Variants in MEI1 observed in about 807,000 individuals in gnomAD.
MEI1 encodes meiotic double-stranded break formation protein 1, also known as meiosis inhibitor protein 1.
In MEI1, 103 loss-of-function variants were observed where a neutral mutation model predicts 146.2. The observed-to-expected ratio is 0.70, with a 90% CI of 0.60 to 0.83. MEI1 has a LOEUF of 0.83. Among genes scored for constraint, MEI1 ranks in the 40% least tolerant of loss-of-function variants. MEI1 has a pLI of 0.00. For missense variants in MEI1, 1,529 were observed against 1,533.0 expected, an observed-to-expected ratio of 1.00 and a Z score of 0.04; for synonymous variants, 652 against 628.2, an observed-to-expected ratio of 1.04 and a Z score of -0.57.
At chr22:41,794,647 A>C (rs2076301130) in intron 28 of MEI1, among the ~76,000 whole-genome samples, 170 bp downstream of exon 28, 1 of 152,080 alleles carries the variant, frequency 6.6e-6, no homozygotes. Flanking sequence ...CTGAATGCCC[A>C]TATCTCCTCA....
intron 11 of MEI1, among the ~76,000 whole-genome samples, chr22:41,735,919 G>A (rs1015026817): frequency 6.6e-6 from 1 of 152,178 alleles, no homozygotes; most frequent in African/African-American, 2.4e-5. Flanking sequence ...TGCCTAAAAT[G>A]CCTGTGTTAG....
In MEI1 at chr22:41,747,199, T is replaced by G. The variant is rs926086942; in HGVS notation, c.1681-908T>G. 3.1e-4 allele frequency: 47 copies of G among 151,304 alleles called. 1 individual carries two copies. Among genetic ancestry groups the G allele is most frequent in the Admixed American group, 2.8e-3 (42 of 15,172 alleles). The allele number at this position is 151,304 out of a possible 1,614,324, so 9.4% of individuals were successfully genotyped here. On this transcript the variant is annotated intron_variant, in intron 14 of 30. Coordinates refer to ENST00000401548, the MANE Select transcript of MEI1 (RefSeq NM_152513.4). Reference sequence around the variant, plus strand: ...AAGGTGACTACCCAAGGGCACACTGTGGTGGCTATGTACAGAGCCTGAACT... The same window carrying G: ...AAGGTGACTACCCAAGGGCACACTGGGGTGGCTATGTACAGAGCCTGAACT...
At chr22:41,797,041 AGGCTGGAGTGCACT>A (rs1212004874) in intron 30 of MEI1, among the ~76,000 whole-genome samples, 3 of 152,262 alleles carry the variant, frequency 2.0e-5, no homozygotes, top group African/African-American at 7.2e-5. Flanking sequence ...TTTGTCACCC[AGGCTGGAGTGCACT>A]GGTGTGAACA....
At chr22:41,719,114 C>G (rs1363662297) in intron 6 of MEI1, among the ~76,000 whole-genome samples, 1 of 151,798 alleles carries the variant, frequency 6.6e-6, no homozygotes, top group African/African-American at 2.4e-5. Context: ...TCCCGAGTAG[C>G]TGGGACTACA....
rs143058137 is a variant in MEI1, at chr22:41,711,480, A to G, written c.350-2522A>G. On this transcript the variant is annotated intron_variant, in intron 3 of 30. Transcript: ENST00000401548. ...TAGGCCACCCTTGAGTGGGGCTACAATCCTGCAGCCATCCACTTCTGGTTG... is the reference window on the plus strand; with the variant it reads ...TAGGCCACCCTTGAGTGGGGCTACAGTCCTGCAGCCATCCACTTCTGGTTG... Among the ~76,000 whole-genome samples the G allele has an allele frequency of 3.0e-3, 460 of 152,246 alleles. 2 individuals carry two copies. Among genetic ancestry groups the G allele is most frequent in the African/African-American group, 9.9e-3 (412 of 41,564 alleles).
chr22:41,746,242 A>G (rs1317352711), intron 14 of MEI1, among the ~76,000 whole-genome samples: 1 of 152,242 alleles, frequency 6.6e-6, no homozygotes, highest in Non-Finnish European at 1.5e-5. Context: ...AATAGAAAGC[A>G]GTAATAATAA....
chr22:41,767,753 G>A, intron 19 of MEI1: 3 of 386,412 alleles, frequency 7.8e-6, no homozygotes, highest in South Asian at 5.4e-5. Flanking sequence ...CAAGTTCCTT[G>A]CCCTCAGAGA....
At chr22:41,735,298 C>G (rs2072254520) in intron 11 of MEI1, among the ~76,000 whole-genome samples, 1 of 132,242 alleles carries the variant, frequency 7.6e-6, no homozygotes. Context: ...AAGGCATGAT[C>G]TCGGCTCACC....
intron 26 of MEI1, among the ~76,000 whole-genome samples, chr22:41,786,104 G>T (rs1261647480): frequency 6.7e-6 from 1 of 148,760 alleles, no homozygotes; most frequent in African/African-American, 2.5e-5. Flanking sequence ...TAGAGACGGG[G>T]TTTCACCGTG....
intron 3 of MEI1, among the ~76,000 whole-genome samples, chr22:41,706,062 A>G (rs2069072998): frequency 6.6e-6 from 1 of 151,898 alleles, no homozygotes; most frequent in South Asian, 2.1e-4. Flanking sequence ...TCTGTCACCC[A>G]GGCTGGAGTG....
At chr22:41,756,902 A>G (rs775212295) in intron 17 of MEI1, among the ~76,000 whole-genome samples, 4 of 152,220 alleles carry the variant, frequency 2.6e-5, no homozygotes, top group Non-Finnish European at 4.4e-5. Context: ...AAGGTCTTTC[A>G]CAGTCCAACT....
chr22:41,790,524 T>C (rs1402356233), intron 26 of MEI1, among the ~76,000 whole-genome samples: 5 of 152,208 alleles, frequency 3.3e-5, no homozygotes, highest in Non-Finnish European at 7.3e-5. Context: ...CAGCTGTGAA[T>C]TGAGTATCAC....
chr22:41,717,629 T>G (rs1431501739), intron 5 of MEI1, among the ~76,000 whole-genome samples: 1 of 151,070 alleles, frequency 6.6e-6, no homozygotes, highest in Non-Finnish European at 1.5e-5. Flanking sequence ...TTTTTTTTTT[T>G]TTTTGAGTTG....
At chr22:41,786,132 G>A (rs12053800) in intron 26 of MEI1, among the ~76,000 whole-genome samples, 2,991 of 150,932 alleles carry the variant, frequency 0.02, 85 homozygotes, top group East Asian at 0.097. Context: ...GGATGGTCTC[G>A]ATCTCCTGAC....
chr22:41,798,534 C>T (rs555474688), intron 30 of MEI1, among the ~76,000 whole-genome samples: 2 of 150,370 alleles, frequency 1.3e-5, no homozygotes, highest in African/African-American at 4.9e-5. Context: ...GCCAAGATCG[C>T]GCCACTGTAC....
chr22:41,771,014 CTG>C, intron 20 of MEI1, 53 bp downstream of exon 20: 1 of 1,576,646 alleles, frequency 6.3e-7, no homozygotes, highest in Non-Finnish European at 8.6e-7. Context: ...CCTTCTCTCT[CTG>C]AGAGCCGGTT....
intron 1 of MEI1, among the ~76,000 whole-genome samples, chr22:41,702,626 G>A (rs1180700587): frequency 1.3e-5 from 2 of 151,870 alleles, no homozygotes; most frequent in Admixed American, 6.6e-5. Flanking sequence ...TGTATTCTTA[G>A]TAGAAACCGG....
At chr22:41,748,951 C>A (rs1430937011) in intron 15 of MEI1, among the ~76,000 whole-genome samples, 1 of 152,046 alleles carries the variant, frequency 6.6e-6, no homozygotes, top group Non-Finnish European at 1.5e-5. Context: ...TACAGGCGCC[C>A]GCCACCACGC....
At chr22:41,712,202 C>A (rs1450724989) in intron 3 of MEI1, among the ~76,000 whole-genome samples, 1 of 582 alleles carries the variant, frequency 1.7e-3, no homozygotes, top group Non-Finnish European at 2.9e-3. Context: ...AAAACTCCGG[C>A]TCAAAAAAAA....
Sources: allele counts gnomAD v4.1 joint callset (sites outside exome capture counted in the v4.1 genomes callset), GRCh38; gene constraint gnomAD v4.1.1; transcripts MANE v1.5; gene names NCBI Gene and HGNC (gene_info 2026-07-23, HGNC 2026-07-21).